CSMD1: variants seen among roughly 807,000 people sequenced by gnomAD.
CSMD1 encodes CUB and sushi domain-containing protein 1.
In CSMD1, 213 loss-of-function variants were observed where a neutral mutation model predicts 417.5. The ratio of observed to expected loss-of-function variants is 0.51; its 90% CI spans 0.46 to 0.57. The LOEUF (loss-of-function observed/expected upper bound fraction) is 0.57, where lower values mean the gene tolerates loss of function less well. Among genes scored for constraint, CSMD1 ranks in the 20% least tolerant of loss-of-function variants. The probability of loss-of-function intolerance (pLI) is 0.00; values close to 1 mark genes in which losing one functional copy is unlikely to be tolerated. For missense variants in CSMD1, 6,923 were observed against 4,529.7 expected (o/e 1.53, Z -15.17); for synonymous variants, 2,862 against 1,736.8 (o/e 1.65, Z -16.11).
At chr8:4,960,808 G>C (rs751365702) in intron 1 of CSMD1, among the ~76,000 whole-genome samples, 1 of 151,894 alleles carries the variant, frequency 6.6e-6, no homozygotes, top group African/African-American at 2.4e-5. Context: ...TTATAAAATG[G>C]TAAAACTATT....
In CSMD1 at chr8:4,711,158, C is replaced by CAA. The variant is rs11324282; in HGVS notation, c.86-73602_86-73601dup. Among the ~76,000 whole-genome samples the CAA allele has an allele frequency of 1.1e-4, 14 of 131,992 alleles. 1 individual carries two copies. In the South Asian group the frequency reaches 2.6e-3, roughly 24 times the overall value. 86.6% of individuals were successfully genotyped at this position (131,992 alleles called of 152,430 possible). ...GATGAAATTCTCAACAATTTTCTCA[C>CAA]AAAAAAAAAAAACCATGATCCTTTT... On this transcript the variant is annotated intron_variant, in intron 1 of 69. Transcript: ENST00000635120.
intron 7 of CSMD1, among the ~76,000 whole-genome samples, chr8:3,692,419 C>T (rs1800298537): frequency 6.6e-6 from 1 of 151,604 alleles, no homozygotes; most frequent in South Asian, 2.1e-4. Flanking sequence ...CGACCTAAGC[C>T]ACCAGACATT....
chr8:3,090,607 GA>G (rs949537028), intron 48 of CSMD1, among the ~76,000 whole-genome samples: 3 of 152,018 alleles, frequency 2.0e-5, no homozygotes, highest in Non-Finnish European at 4.4e-5. Context: ...TTTCCCTTTG[GA>G]CGCTCGTAGT....
At chr8:3,470,037 T>C (rs1225337230) in intron 11 of CSMD1, among the ~76,000 whole-genome samples, 1 of 152,136 alleles carries the variant, frequency 6.6e-6, no homozygotes, top group Non-Finnish European at 1.5e-5. Flanking sequence ...AATGTCTAAC[T>C]CTATGAATTT....
intron 37 of CSMD1, among the ~76,000 whole-genome samples, chr8:3,163,005 C>A (rs1819990904): frequency 6.6e-6 from 1 of 152,028 alleles, no homozygotes; most frequent in Non-Finnish European, 1.5e-5. Context: ...TAAGAATAAA[C>A]AAGATATGCA....
intron 5 of CSMD1, among the ~76,000 whole-genome samples, chr8:3,782,611 G>A (rs562857930): frequency 7.9e-5 from 12 of 152,142 alleles, no homozygotes; most frequent in Non-Finnish European, 1.6e-4. Flanking sequence ...AAACCTGCAC[G>A]TTGTGCACAT....
intron 3 of CSMD1, among the ~76,000 whole-genome samples, chr8:4,414,278 C>T (rs139293100): frequency 7.5e-4 from 114 of 152,282 alleles, no homozygotes; most frequent in African/African-American, 2.6e-3. Context: ...AACAGAGTGA[C>T]ACCCTGGTAA....
chr8:4,729,713 G>T (rs1323145508), intron 1 of CSMD1, among the ~76,000 whole-genome samples: 1 of 152,206 alleles, frequency 6.6e-6, no homozygotes, highest in Non-Finnish European at 1.5e-5. Context: ...TTTCAAAGCT[G>T]TGCTTACAAC....
At chr8:3,861,493 G>T (rs1585104353) in intron 5 of CSMD1, among the ~76,000 whole-genome samples, 1 of 152,256 alleles carries the variant, frequency 6.6e-6, no homozygotes, top group African/African-American at 2.4e-5. Context: ...ACTCGTGAGG[G>T]CTGTGCCTTT....
chr8:4,461,125 T>A (rs1267397881), intron 2 of CSMD1, among the ~76,000 whole-genome samples: 1 of 148,958 alleles, frequency 6.7e-6, no homozygotes, highest in Non-Finnish European at 1.5e-5. Flanking sequence ...TCTAACACTG[T>A]GCCATAACAA....
At chr8:2,981,294 C>T (rs578258658) in intron 54 of CSMD1, among the ~76,000 whole-genome samples, 1 of 152,202 alleles carries the variant, frequency 6.6e-6, no homozygotes, top group Non-Finnish European at 1.5e-5. Context: ...TCTATGTGAA[C>T]AATTCCTATC....
At chr8:3,429,705 G>C (rs1202620172) in intron 12 of CSMD1, among the ~76,000 whole-genome samples, 1 of 152,172 alleles carries the variant, frequency 6.6e-6, no homozygotes, top group Non-Finnish European at 1.5e-5. Flanking sequence ...ATAACTTAAT[G>C]AAATGGTTAA....
chr8:4,371,901 A>G (rs1802418707), intron 3 of CSMD1, among the ~76,000 whole-genome samples: 1 of 152,264 alleles, frequency 6.6e-6, no homozygotes, highest in African/African-American at 2.4e-5. Flanking sequence ...CAAGTTAAGA[A>G]GGGAAGTGTG....
chr8:3,442,875 T>C (rs374324073), intron 12 of CSMD1, among the ~76,000 whole-genome samples: 1 of 152,220 alleles, frequency 6.6e-6, no homozygotes, highest in Admixed American at 6.5e-5. Context: ...CTCAGAATAT[T>C]ATAACTTCAC....
intron 2 of CSMD1, among the ~76,000 whole-genome samples, chr8:4,531,595 GA>G (rs1796820395): frequency 6.6e-6 from 1 of 152,158 alleles, no homozygotes; most frequent in Non-Finnish European, 1.5e-5. Flanking sequence ...ATAAGTGTAA[GA>G]TGCGAGCTTT....
intron 26 of CSMD1, among the ~76,000 whole-genome samples, chr8:3,237,840 ATTATAC>A (rs1451009710): frequency 1.0e-4 from 11 of 108,006 alleles, no homozygotes; most frequent in African/African-American, 2.6e-4. Flanking sequence ...AATTTTTATA[ATTATAC>A]TTATACTATA....
chr8:3,331,963 CATAG>C (rs1201765174), intron 23 of CSMD1, among the ~76,000 whole-genome samples: 5 of 151,990 alleles, frequency 3.3e-5, no homozygotes, highest in African/African-American at 1.2e-4. Flanking sequence ...AAAAACAGAT[CATAG>C]ATAAATAATG....
intron 1 of CSMD1, among the ~76,000 whole-genome samples, chr8:4,704,588 C>T (rs140195390): frequency 6.6e-6 from 1 of 152,224 alleles, no homozygotes; most frequent in African/African-American, 2.4e-5. Flanking sequence ...AACATAACCA[C>T]ATCGATCAAC....
At chr8:4,495,533 C>T (rs1801938484) in intron 2 of CSMD1, among the ~76,000 whole-genome samples, 1 of 151,950 alleles carries the variant, frequency 6.6e-6, no homozygotes, top group South Asian at 2.1e-4. Context: ...CAGTATCTCG[C>T]CACTGCACTC....
Sources: allele counts gnomAD v4.1 joint callset (sites outside exome capture counted in the v4.1 genomes callset), GRCh38; gene constraint gnomAD v4.1.1; transcripts MANE v1.5; gene names NCBI Gene and HGNC (gene_info 2026-07-23, HGNC 2026-07-21).